PRR14L: variants seen among roughly 807,000 people sequenced by gnomAD.
PRR14L encodes proline rich 14 like, also known as protein PRR14L.
A neutral mutation model predicts 155.0 loss-of-function variants in PRR14L; 80 were observed. That is an observed-to-expected ratio of 0.52 (90% CI 0.43 to 0.62). The LOEUF (loss-of-function observed/expected upper bound fraction) is 0.62, where lower values mean the gene tolerates loss of function less well. PRR14L is among the 20% of genes least tolerant of loss of function. The pLI, the probability that PRR14L is intolerant of heterozygous loss-of-function variation, is 0.00. For synonymous variants in PRR14L, 883 were observed against 916.0 expected, an observed-to-expected ratio of 0.96 and a Z score of 0.65; for missense variants, 2,469 against 2,548.0, an observed-to-expected ratio of 0.97 and a Z score of 0.67.
rs1235349736 is a variant in PRR14L at position 31,738,721 on chromosome 22, T to C, written c.140A>G (p.Asp47Gly). 1.9e-6 allele frequency: 3 copies of C among 1,551,888 alleles called. No individual in the cohort carries two copies. Among genetic ancestry groups the C allele is most frequent in the Middle Eastern group, 1.7e-4 (1 of 5,990 alleles). The change falls in exon 2 of 9, where the codon GAT becomes GGT. Residue 47 changes from aspartate (D) to glycine (G), a missense_variant. Asp to Gly is a moderately conservative substitution (Grantham distance 94). Coordinates refer to ENST00000327423, the MANE Select transcript of PRR14L (RefSeq NM_173566.3). The stretch of plus-strand genomic sequence containing the variant: ...AGAGCTTGAGGCTCCAGGTTTTACA[T>C]CTGGAATCACACTTGGCTCAGGGTC... Reference protein sequence around the residue: ...HADPEPSVIPDVKPGASSSLL... With the variant: ...HADPEPSVIPGVKPGASSSLL...
Position 31,704,680 on chromosome 22 carries a change from A to T in PRR14L, c.5803T>A (p.Tyr1935Asn), listed in dbSNP as rs1312831352. ...YVPLPGMEAT[Y>N]NTSGSQTRLE... is the part of the protein sequence containing the mutation. ...CTCGTCTGACTGCCGCTGGTGTTAT[A>T]TGTAGCTTCCATGCCTGGAAGAGGC... Residue 1935 changes from tyrosine to asparagine, a missense_variant, in exon 5 of 9, where the codon TAT (tyrosine) becomes AAT (asparagine). This residue lies in a region of PRR14L where 2,363 missense variants were observed against 2,371.6 expected (regional missense o/e 1.00). Coordinates refer to ENST00000327423, the MANE Select transcript of PRR14L (RefSeq NM_173566.3). The T allele has an allele frequency of 6.2e-7, 1 of 1,613,980 alleles. No homozygotes were observed. The highest frequency in any genetic ancestry group is 1.7e-5 in the Admixed American group (1 of 59,998).
chr22:31,732,430 G>C (rs2074755231), intron 2 of PRR14L, among the ~76,000 whole-genome samples: 1 of 152,168 alleles, frequency 6.6e-6, no homozygotes, highest in South Asian at 2.1e-4. Context: ...TTTCCTTCTA[G>C]GAGTTGGAAA....
intron 8 of PRR14L, among the ~76,000 whole-genome samples, chr22:31,687,803 G>C (rs1433832873): frequency 6.6e-6 from 1 of 151,086 alleles, no homozygotes; most frequent in Non-Finnish European, 1.5e-5. Context: ...CAGCACTTTG[G>C]GAGGCCAAGG....
Position 31,717,250 on chromosome 22 carries a change from C to A in PRR14L, c.589G>T (p.Ala197Ser). 1 of 1,551,144 alleles carries A rather than the reference C, an allele frequency of 6.4e-7. No homozygotes were observed. Among genetic ancestry groups the A allele is most frequent in the African/African-American group, 1.4e-5 (1 of 73,150 alleles). The change falls in exon 4 of 9, where the codon GCC (alanine) becomes TCC (serine). Residue 197 changes from alanine to serine, a missense_variant. Physicochemically the swap from Ala to Ser is moderately conservative, Grantham distance 99 (BLOSUM62 1). Coordinates refer to ENST00000327423, the MANE Select transcript of PRR14L (RefSeq NM_173566.3). ...TTGACCTTCATACCTTGTACTTCGG[C>A]GGATTTTAGCAGAGTTTCAGCTGTA... is the stretch of plus-strand genomic sequence containing the variant. ...QITAETLLKS[A>S]EVQGMKVNGT...
rs1292438497 is a variant in PRR14L at position 31,713,532 on chromosome 22, G to A, written c.4307C>T (p.Ala1436Val). ...DDAQNQNQPK[A>V]DKDESTMINE... The stretch of plus-strand genomic sequence containing the variant: ...GATCATGGTGGACTCATCTTTGTCA[G>A]CCTTCGGTTGGTTCTGATTTTGTGC... Residue 1436 changes from alanine (A) to valine (V), a missense_variant, in exon 4 of 9, where the codon GCT (alanine) becomes GTT (valine). By Grantham distance (64) the Ala-to-Val change is moderately conservative. Around this residue, in one of 2 missense-constraint regions of PRR14L, gnomAD observed 2,363 missense variants for 2,371.6 expected, o/e 1.00. Transcript: ENST00000327423. 1.3e-6 allele frequency: 2 copies of A among 1,552,114 alleles called. No individual in the cohort carries two copies. Among genetic ancestry groups the A allele is most frequent in the Admixed American group, 3.9e-5 (2 of 51,004 alleles).
chr22:31,716,520 T>A lies in PRR14L; in HGVS notation c.1319A>T (p.Glu440Val), dbSNP rs1309001336. 1 of 1,545,848 alleles carries A rather than the reference T, an allele frequency of 6.5e-7. No individual in the cohort carries two copies. Reference protein sequence around the residue: ...GEKEPVVSPKENIHNNCIQDS... With the variant: ...GEKEPVVSPKVNIHNNCIQDS... The stretch of plus-strand genomic sequence containing the variant: ...TTGAATGCAGTTATTGTGGATATTT[T>A]CCTTTGGAGAAACAACAGGCTCTTT... The change falls in exon 4 of 9, where the codon GAA (glutamate) becomes GTA (valine). Residue 440 changes from glutamate to valine, a missense_variant. Transcript: ENST00000327423.
At chr22:31,746,617 A>T (rs1343579394) in intron 1 of PRR14L, among the ~76,000 whole-genome samples, 1 of 152,224 alleles carries the variant, frequency 6.6e-6, no homozygotes, top group Non-Finnish European at 1.5e-5. Context: ...CGTCTTTATC[A>T]CAACACAAAT....
chr22:31,696,511 G>C (rs1049169139), intron 7 of PRR14L, among the ~76,000 whole-genome samples: 2 of 152,044 alleles, frequency 1.3e-5, no homozygotes, highest in Non-Finnish European at 1.5e-5. Flanking sequence ...GGGCTCAAGT[G>C]ATCCTCCCAC....
At chr22:31,730,138 T>TAA (rs534900377) in intron 2 of PRR14L, among the ~76,000 whole-genome samples, 9 of 113,466 alleles carry the variant, frequency 7.9e-5, no homozygotes, top group Non-Finnish European at 5.5e-5. Flanking sequence ...AGACTCAGTC[T>TAA]AAAAAAAAAA....
chr22:31,708,324 GTTGT>G, intron 4 of PRR14L, among the ~76,000 whole-genome samples: 1 of 151,586 alleles, frequency 6.6e-6, no homozygotes, highest in East Asian at 1.9e-4. Flanking sequence ...CAGCAGGTTT[GTTGT>G]TTATTTATTT....
Position 31,684,286 on chromosome 22 carries a change from C to G in PRR14L, c.*1241G>C, listed in dbSNP as rs1418441785. The stretch of plus-strand genomic sequence containing the variant: ...GGAGCCCAGAGTACAATGAGGTGGC[C>G]CTCAAAGAAGGCTGGCTGGGGATTT... On this transcript the variant is annotated 3_prime_UTR_variant, in exon 9 of 9. Transcript: ENST00000327423. 1 of 152,204 alleles carries G rather than the reference C, an allele frequency of 6.6e-6. No homozygotes were observed. Among genetic ancestry groups the G allele is most frequent in the African/African-American group, 2.4e-5 (1 of 41,424 alleles). 9.4% of individuals were successfully genotyped at this position (152,204 alleles called of 1,614,324 possible).
chr22:31,687,216 A>C (rs1161885366), intron 8 of PRR14L, among the ~76,000 whole-genome samples: 1 of 149,238 alleles, frequency 6.7e-6, no homozygotes, highest in Admixed American at 6.7e-5. Context: ...TTTGTATTTT[A>C]GTAGAGACAG....
At chr22:31,732,609 G>T (rs1197412376) in intron 2 of PRR14L, among the ~76,000 whole-genome samples, 1 of 152,198 alleles carries the variant, frequency 6.6e-6, no homozygotes, top group Non-Finnish European at 1.5e-5. Flanking sequence ...AGGACTCTTG[G>T]AAGCTTGCAC....
chr22:31,704,632 C>A (rs2074580143), intron 5 of PRR14L, 23 bp downstream of exon 5: 10 of 1,605,440 alleles, frequency 6.2e-6, no homozygotes, highest in Non-Finnish European at 8.5e-6. Flanking sequence ...CGCGCACACA[C>A]ACGCTGAGTC....
intron 3 of PRR14L, among the ~76,000 whole-genome samples, chr22:31,722,121 G>A (rs898627462): frequency 1.3e-5 from 2 of 152,124 alleles, no homozygotes; most frequent in Non-Finnish European, 2.9e-5. Context: ...GTATATATTA[G>A]ATTTTCATCG....
chr22:31,708,824 T>G (rs1428128983), intron 4 of PRR14L, among the ~76,000 whole-genome samples: 1 of 151,910 alleles, frequency 6.6e-6, no homozygotes, highest in Non-Finnish European at 1.5e-5. Flanking sequence ...TGGGATTTAT[T>G]TTTTTATTTT....
chr22:31,741,323 G>C (rs910499372), intron 1 of PRR14L, among the ~76,000 whole-genome samples: 1 of 150,610 alleles, frequency 6.6e-6, no homozygotes, highest in Non-Finnish European at 1.5e-5. Context: ...TTAGCCAGGC[G>C]TGGTGGCAGG....
At chr22:31,725,059 A>G (rs1005560747) in intron 3 of PRR14L, among the ~76,000 whole-genome samples, 3 of 152,140 alleles carry the variant, frequency 2.0e-5, no homozygotes, top group Non-Finnish European at 4.4e-5. Context: ...CAAATACAGT[A>G]TATTTGATGA....
At chr22:31,685,885 G>A (rs2074479748) in intron 8 of PRR14L, 82 bp from the exon 9 acceptor site, 1 of 1,266,542 alleles carries the variant, frequency 7.9e-7, no homozygotes, top group Non-Finnish European at 1.1e-6. Context: ...GTTGACGCTG[G>A]GTCAACAACC....
Sources: allele counts gnomAD v4.1 joint callset (sites outside exome capture counted in the v4.1 genomes callset), GRCh38; gene constraint gnomAD v4.1.1; regional missense constraint gnomAD v4.1.1; transcripts MANE v1.5; gene names NCBI Gene and HGNC (gene_info 2026-07-23, HGNC 2026-07-21).